Variants in SRGAP2 observed in about 807,000 individuals in gnomAD.
SRGAP2 encodes the protein SLIT-ROBO Rho GTPase-activating protein 2.
SRGAP2 carries 15 observed loss-of-function variants against 57.2 expected under a neutral mutation model. The ratio of observed to expected loss-of-function variants is 0.26; its 90% CI spans 0.18 to 0.40. The LOEUF is 0.40. SRGAP2 is among the 10% of genes least tolerant of loss of function. The pLI is 1.00. For synonymous variants in SRGAP2, 249 were observed against 248.0 expected (o/e 1.00, Z -0.04); for missense variants, 520 against 669.6 (o/e 0.78, Z 2.47).
chr1:206,425,697 G>A (rs1160493787), intron 13 of SRGAP2, among the ~76,000 whole-genome samples: 2 of 152,014 alleles, frequency 1.3e-5, no homozygotes, highest in African/African-American at 2.4e-5. Flanking sequence ...ACAACGCCTG[G>A]CTTATTTTTG....
intron 3 of SRGAP2, among the ~76,000 whole-genome samples, chr1:206,338,989 A>G (rs1372751456): frequency 2.0e-5 from 3 of 151,738 alleles, no homozygotes; most frequent in East Asian, 3.8e-4. Context: ...ATTATGAATC[A>G]GTTATAGTTT....
At chr1:206,231,455 A>C (rs1457780253) in intron 2 of SRGAP2, among the ~76,000 whole-genome samples, 2 of 151,912 alleles carry the variant, frequency 1.3e-5, no homozygotes, top group Non-Finnish European at 2.9e-5. Flanking sequence ...GGCTAAAATC[A>C]AAAGGTTGAA....
At chr1:206,415,334 C>G (rs17006055) in intron 10 of SRGAP2, among the ~76,000 whole-genome samples, 1 of 152,176 alleles carries the variant, frequency 6.6e-6, no homozygotes, top group Non-Finnish European at 1.5e-5. Flanking sequence ...CCGCTGAGTG[C>G]TCAGAAATCC....
intron 19 of SRGAP2, among the ~76,000 whole-genome samples, chr1:206,452,885 CAAAAAAAAAAAAA>C (rs1166978056): frequency 1.6e-5 from 1 of 62,120 alleles, no homozygotes; most frequent in Non-Finnish European, 2.8e-5. Flanking sequence ...GACTCCATCC[CAAAAAAAAAAAAA>C]AAAAAAAAAA....
chr1:206,347,195 T>A (rs1270802521), intron 4 of SRGAP2, among the ~76,000 whole-genome samples: 1 of 149,496 alleles, frequency 6.7e-6, no homozygotes. Flanking sequence ...GAGGCTGCAG[T>A]GATCTATAAT....
rs1206806539 is a variant in SRGAP2 at position 206,273,014 on chromosome 1, TGAA to T, written c.68-30263_68-30261del. 5.7e-3 allele frequency among the ~76,000 whole-genome samples: 872 copies of T among 152,110 alleles called. 3 individuals are homozygous for T. The highest frequency in any genetic ancestry group is 0.02 in the African/African-American group (821 of 41,472). ...GTTTGGAAAATACAGAAAAGCAAAG[TGAA>T]GAAAATAATTATCAAGGAAAACGAT... is the stretch of plus-strand genomic sequence containing the variant. On this transcript the variant is annotated intron_variant, in intron 2 of 22. Coordinates refer to ENST00000573034, the MANE Select transcript of SRGAP2 (RefSeq NM_015326.5).
At chr1:206,446,324 G>GGGGA (rs782016088) in intron 18 of SRGAP2, 25 bp downstream of exon 18, 11 of 779,682 alleles carry the variant, frequency 1.4e-5, no homozygotes, top group Non-Finnish European at 2.4e-5. Flanking sequence ...GACGGGAGGA[G>GGGGA]GGGAGGGATT....
At chr1:206,313,651 A>G (rs1261852564) in intron 3 of SRGAP2, among the ~76,000 whole-genome samples, 2 of 152,256 alleles carry the variant, frequency 1.3e-5, no homozygotes, top group African/African-American at 2.4e-5. Flanking sequence ...GCTCTATGCA[A>G]TAGACACTGG....
intron 3 of SRGAP2, among the ~76,000 whole-genome samples, chr1:206,326,472 C>A (rs543534781): frequency 6.6e-6 from 1 of 152,194 alleles, no homozygotes; most frequent in Non-Finnish European, 1.5e-5. Flanking sequence ...AATAGCTCTG[C>A]GCTCTGGGGC....
chr1:206,334,697 A>G (rs1326558119), intron 3 of SRGAP2, among the ~76,000 whole-genome samples: 10 of 152,184 alleles, frequency 6.6e-5, no homozygotes, highest in African/African-American at 1.7e-4. Flanking sequence ...TGCTTTGATA[A>G]TAAGTGTGTG....
At chr1:206,447,154 T>A (rs1488682310) in intron 18 of SRGAP2, among the ~76,000 whole-genome samples, 2 of 152,132 alleles carry the variant, frequency 1.3e-5, no homozygotes, top group Non-Finnish European at 2.9e-5. Context: ...CCTCTCTCTT[T>A]TAATCCCTAA....
At chr1:206,363,535 T>G (rs1266445881) in intron 4 of SRGAP2, among the ~76,000 whole-genome samples, 1 of 152,076 alleles carries the variant, frequency 6.6e-6, no homozygotes, top group Non-Finnish European at 1.5e-5. Flanking sequence ...GTTGCCTTGC[T>G]AATGTCCAAT....
intron 4 of SRGAP2, among the ~76,000 whole-genome samples, chr1:206,372,899 CT>C (rs1477535724): frequency 1.8e-3 from 4 of 2,280 alleles, no homozygotes; most frequent in East Asian, 0.1. Context: ...TTTCTCTCTC[CT>C]TTCTTTCTTT....
chr1:206,301,144 G>C (rs1334740808), intron 2 of SRGAP2, among the ~76,000 whole-genome samples: 1 of 152,104 alleles, frequency 6.6e-6, no homozygotes, highest in Admixed American at 6.5e-5. Flanking sequence ...CCATTCTCCC[G>C]CCTCAGCCTC....
chr1:206,373,721 G>A (rs1255423780), intron 4 of SRGAP2, among the ~76,000 whole-genome samples: 30 of 81,082 alleles, frequency 3.7e-4, no homozygotes, highest in African/African-American at 1.3e-3. Flanking sequence ...GTGATAGAGC[G>A]AGACTCTGTC....
In SRGAP2 at chr1:206,239,470, T is replaced by C. The variant is rs142253480; in HGVS notation, c.67+33433T>C. Reference sequence around the variant, plus strand: ...TTAAAAGAAAAGTTTTTTTTCTTTCTTTTTTGAGACAGAGTCTTCCTCTGT... The same window carrying C: ...TTAAAAGAAAAGTTTTTTTTCTTTCCTTTTTGAGACAGAGTCTTCCTCTGT... On this transcript the variant is annotated intron_variant, in intron 2 of 22. Transcript: ENST00000573034. 6.7e-3 allele frequency among the ~76,000 whole-genome samples: 1,018 copies of C among 152,296 alleles called. 4 individuals carry two copies. Among genetic ancestry groups the C allele is most frequent in the Middle Eastern group, 0.034 (10 of 294 alleles).
chr1:206,455,944 A>G (rs556657180), intron 21 of SRGAP2: 2 of 152,302 alleles, frequency 1.3e-5, no homozygotes, highest in South Asian at 2.1e-4. Flanking sequence ...AAGCCTACAG[A>G]CCTCTTTCCG....
At chr1:206,424,831 T>C (rs1044496643) in intron 13 of SRGAP2, among the ~76,000 whole-genome samples, 1 of 152,190 alleles carries the variant, frequency 6.6e-6, no homozygotes, top group African/African-American at 2.4e-5. Context: ...TTCAAAGCCT[T>C]TGTGACTTTG....
intron 3 of SRGAP2, among the ~76,000 whole-genome samples, chr1:206,318,610 G>C (rs1571843582): frequency 6.6e-6 from 1 of 152,224 alleles, no homozygotes; most frequent in African/African-American, 2.4e-5. Flanking sequence ...ATTGGCTCAT[G>C]GTTCTGCAGG....
Sources: gnomAD v4.1 joint callset for allele counts (sites outside exome capture counted in the v4.1 genomes callset) on GRCh38, gnomAD v4.1.1 for gene constraint, MANE v1.5 for transcripts, NCBI Gene and HGNC (gene_info 2026-07-23, HGNC 2026-07-21) for gene names.